Variants in GSTO1 observed in about 807,000 individuals in gnomAD.
The protein encoded by GSTO1 is glutathione S-transferase omega 1, also known as glutathione S-transferase omega-1.
Under a neutral mutation model 23.8 loss-of-function variants are expected in GSTO1, and 27 were observed. That is an observed-to-expected ratio of 1.13 (90% CI 0.83 to 1.56). GSTO1 has a LOEUF of 1.56. Among genes scored for constraint, GSTO1 ranks in the 40% most tolerant of loss-of-function variants. GSTO1 has a pLI of 0.00. For synonymous variants in GSTO1, 105 were observed against 109.3 expected, an observed-to-expected ratio of 0.96 and a Z score of 0.25; for missense variants, 255 against 285.8, an observed-to-expected ratio of 0.89 and a Z score of 0.78.
At chr10:104,255,117 C>T (rs775834440) in intron 1 of GSTO1, 46 bp from the exon 2 acceptor site, 54 of 1,506,326 alleles carry the variant, frequency 3.6e-5, no homozygotes, top group Non-Finnish European at 4.7e-5. Context: ...TACGGGGGGT[C>T]TCGACACCTC....
At chr10:104,255,422 A>C in intron 2 of GSTO1, 151 bp downstream of exon 2, 2 of 608,660 alleles carry the variant, frequency 3.3e-6, no homozygotes, top group South Asian at 4.0e-5. Context: ...GAAAATAGCA[A>C]GTTATAGGCC....
At chr10:104,260,555 T>A (rs1173356571) in intron 3 of GSTO1, among the ~76,000 whole-genome samples, 2 of 152,184 alleles carry the variant, frequency 1.3e-5, no homozygotes, top group East Asian at 3.9e-4. Flanking sequence ...TAAATAGCAA[T>A]CCTGTAGAAG....
chr10:104,257,497 C>T (rs1196954772), intron 2 of GSTO1, among the ~76,000 whole-genome samples: 1 of 152,078 alleles, frequency 6.6e-6, no homozygotes, highest in African/African-American at 2.4e-5. Context: ...AGTACCACCA[C>T]ACTTGGCTAA....
At chr10:104,254,782 C>T (rs2135047375), upstream of GSTO1, 2 of 730,486 alleles carry the variant, frequency 2.7e-6, no homozygotes, top group East Asian at 5.3e-5. Flanking sequence ...GCCGGGAAGG[C>T]ACAACGGGTG....
rs2011120495 is a variant in GSTO1 at position 104,259,560 on chromosome 10, C to T, written c.144-16C>T. On this transcript the variant is annotated splice_polypyrimidine_tract_variant and intron_variant, in intron 2 of 5. Coordinates refer to ENST00000369713, the MANE Select transcript of GSTO1 (RefSeq NM_004832.3). The stretch of plus-strand genomic sequence containing the variant: ...AGTTGTTTCCTTCTCTTCATAGTCT[C>T]CTATGTGTCTTTCAGGCATGAAGTC... 2.0e-6 allele frequency: 3 copies of T among 1,498,698 alleles called. No individual in the cohort carries two copies. Among genetic ancestry groups the T allele is most frequent in the Non-Finnish European group, 2.8e-6 (3 of 1,075,620 alleles). The allele number at this position is 1,498,698 out of a possible 1,614,324, so 92.8% of individuals were successfully genotyped here. A position where few individuals can be genotyped will look rare whatever the true frequency, so the allele number is the denominator to read the frequency against.
chr10:104,261,517 G>A (rs74154770), intron 3 of GSTO1, among the ~76,000 whole-genome samples: 11,257 of 152,180 alleles, frequency 0.074, 1,395 homozygotes, highest in African/African-American at 0.26. Context: ...ACAACTAAGC[G>A]TTGGGGCTCA....
intron 4 of GSTO1, among the ~76,000 whole-genome samples, chr10:104,265,316 G>A (rs753540823): frequency 6.6e-6 from 1 of 152,104 alleles, no homozygotes; most frequent in Non-Finnish European, 1.5e-5. Flanking sequence ...TCAATATTAG[G>A]TTTGTGGGTT....
At chr10:104,254,688 G>T (rs1375893392), upstream of GSTO1, 49 of 586,684 alleles carry the variant, frequency 8.4e-5, no homozygotes, top group East Asian at 1.4e-3. Flanking sequence ...TATAACTTTT[G>T]TGTATCTCCC....
At chr10:104,263,582 T>C (rs916600536) in intron 4 of GSTO1, among the ~76,000 whole-genome samples, 3 of 152,198 alleles carry the variant, frequency 2.0e-5, no homozygotes, top group Admixed American at 6.5e-5. Flanking sequence ...TTACCTTCTT[T>C]TGGGGACAGC....
At position 104,265,297 on chromosome 10, in the gene GSTO1, T is replaced by G. The variant is rs1291363380; in HGVS notation, c.466-787T>G. Reference sequence around the variant, plus strand: ...ATAATGTTCATCTTTTGGGTCTGCCTGCTTTCATTCAATATTAGGTTTGTG... The same window carrying G: ...ATAATGTTCATCTTTTGGGTCTGCCGGCTTTCATTCAATATTAGGTTTGTG... On this transcript the variant is annotated intron_variant, in intron 4 of 5. Coordinates refer to ENST00000369713, the MANE Select transcript of GSTO1 (RefSeq NM_004832.3). 3.3e-5 allele frequency among the ~76,000 whole-genome samples: 5 copies of G among 152,206 alleles called. No individual in the cohort carries two copies. The East Asian group carries it at 9.6e-4, about 29-fold the overall frequency.
At chr10:104,257,387 C>T (rs1589843870) in intron 2 of GSTO1, among the ~76,000 whole-genome samples, 1 of 149,140 alleles carries the variant, frequency 6.7e-6, no homozygotes. Context: ...GTCACCCAGG[C>T]TGGAATGCAG....
chr10:104,254,610 G>A (rs1285252009), upstream of GSTO1: 4 of 462,656 alleles, frequency 8.6e-6, no homozygotes, highest in African/African-American at 2.0e-5. Flanking sequence ...GTCAGGGTCA[G>A]ACGTGGAGCC....
intron 2 of GSTO1, among the ~76,000 whole-genome samples, chr10:104,257,869 T>C (rs963368132): frequency 2.0e-5 from 3 of 152,248 alleles, no homozygotes; most frequent in African/African-American, 4.8e-5. Flanking sequence ...TTCATTTATA[T>C]GAAATATTTC....
chr10:104,261,049 C>T (rs1203287478), intron 3 of GSTO1, among the ~76,000 whole-genome samples: 1 of 152,130 alleles, frequency 6.6e-6, no homozygotes, highest in African/African-American at 2.4e-5. Flanking sequence ...TCTCTTTGGT[C>T]TGGTGCCAGT....
Position 104,259,782 on chromosome 10 carries a change from T to C in GSTO1, c.350T>C (p.Leu117Ser). The change falls in exon 3 of 6, where the codon TTA (leucine) becomes TCA (serine). Residue 117 changes from leucine to serine, a missense_variant. By Grantham distance (145) the Leu-to-Ser change is moderately radical. Coordinates refer to ENST00000369713, the MANE Select transcript of GSTO1 (RefSeq NM_004832.3). ...GAGAAAGCTTGCCAGAAGATGATCT[T>C]AGAGTTGTTTTCTAAGGTTTGTGCA... The part of the protein sequence containing the change: ...PYEKACQKMI[L>S]ELFSKVPSLV... 6 of 1,611,390 alleles carry C rather than the reference T, an allele frequency of 3.7e-6. No homozygotes were observed. The South Asian group carries it at 6.6e-5, about 18-fold the overall frequency.
In GSTO1 at chr10:104,255,213, A is replaced by T; in HGVS notation, c.85A>T (p.Met29Leu). Residue 29 changes from methionine to leucine, a missense_variant, in exon 2 of 6, where the codon ATG becomes TTG. Transcript: ENST00000369713. ...GGAGGGCTCGATCCGCATCTACAGC[A>T]TGAGGTTCTGCCCGTTTGCTGAGAG... ...VPEGSIRIYS[M>L]RFCPFAERTR... The T allele has an allele frequency of 6.2e-7, 1 of 1,613,896 alleles. No homozygotes were observed. The highest frequency in any genetic ancestry group is 8.5e-7 in the Non-Finnish European group (1 of 1,179,856).
chr10:104,255,687 C>T (rs897287776), intron 2 of GSTO1, among the ~76,000 whole-genome samples: 9 of 152,154 alleles, frequency 5.9e-5, no homozygotes, highest in Non-Finnish European at 1.0e-4. Context: ...GTATTGTTCC[C>T]TCCTAGAATA....
Position 104,258,121 on chromosome 10 carries a change from A to G in GSTO1, c.144-1455A>G, listed in dbSNP as rs529087866. Reference sequence around the variant, plus strand: ...AAGTAAAACATGATAATCATGTAATAGAAGCTGCTCAGCAACTTCAGAGCT... The same window carrying G: ...AAGTAAAACATGATAATCATGTAATGGAAGCTGCTCAGCAACTTCAGAGCT... On this transcript the variant is annotated intron_variant, in intron 2 of 5. Transcript: ENST00000369713. Among the ~76,000 whole-genome samples, 15 of 152,334 alleles carry G rather than the reference A, an allele frequency of 9.8e-5. 1 individual carries two copies. In the South Asian group the frequency reaches 2.9e-3, roughly 29 times the overall value.
At chr10:104,264,255 T>C (rs1334538602) in intron 4 of GSTO1, among the ~76,000 whole-genome samples, 1 of 152,198 alleles carries the variant, frequency 6.6e-6, no homozygotes, top group East Asian at 1.9e-4. Context: ...TAATGGTAAT[T>C]GGTTTTTTGG....
Sources: gnomAD v4.1 joint callset for allele counts (sites outside exome capture counted in the v4.1 genomes callset) on GRCh38, gnomAD v4.1.1 for gene constraint, MANE v1.5 for transcripts, NCBI Gene and HGNC (gene_info 2026-07-23, HGNC 2026-07-21) for gene names.